The following FARP2 variants were observed in gnomAD, a reference collection of about 807,000 sequenced individuals.
FARP2 encodes the protein FERM, ARHGEF and pleckstrin domain-containing protein 2.
Under a neutral mutation model 130.5 loss-of-function variants are expected in FARP2, and 111 were observed. The ratio of observed to expected loss-of-function variants is 0.85; its 90% CI spans 0.73 to 1.00. The LOEUF (loss-of-function observed/expected upper bound fraction) is 1.00, where lower values mean the gene tolerates loss of function less well. Ranked by LOEUF, FARP2 falls within the 50% of genes least tolerant of loss-of-function variation. The pLI is 0.00. For synonymous variants in FARP2, 504 were observed against 516.9 expected, an observed-to-expected ratio of 0.98 and a Z score of 0.34; for missense variants, 1,385 against 1,346.3, an observed-to-expected ratio of 1.03 and a Z score of -0.45.
chr2:241,434,533 C>T (rs957347739), intron 10 of FARP2, among the ~76,000 whole-genome samples: 5 of 152,162 alleles, frequency 3.3e-5, no homozygotes, highest in African/African-American at 7.2e-5. Context: ...AATTCAGTTA[C>T]GCTTACTACA....
chr2:241,464,525 T>TCCCCAGAGCAGGGTG (rs2064117807), intron 17 of FARP2, among the ~76,000 whole-genome samples: 1 of 118,384 alleles, frequency 8.4e-6, no homozygotes, highest in Non-Finnish European at 1.9e-5. Flanking sequence ...AAAGCAGGGT[T>TCCCCAGAGCAGGGTG]TCCCCAGAGC....
intron 26 of FARP2, 87 bp from the exon 27 acceptor site, chr2:241,493,921 C>A: frequency 1.2e-6 from 1 of 846,732 alleles, no homozygotes; most frequent in Non-Finnish European, 1.7e-6. Context: ...CTTCTTTTGT[C>A]CTGCTTGTCC....
At chr2:241,477,725 A>G (rs2064511302) in intron 19 of FARP2, among the ~76,000 whole-genome samples, 1 of 152,084 alleles carries the variant, frequency 6.6e-6, no homozygotes, top group Admixed American at 6.5e-5. Context: ...TTCTCACATC[A>G]TGTGTCACTT....
chr2:241,437,966 C>T (rs556179608), intron 12 of FARP2, among the ~76,000 whole-genome samples: 29 of 152,090 alleles, frequency 1.9e-4, no homozygotes, highest in African/African-American at 6.7e-4. Flanking sequence ...CGCCCAGCCG[C>T]CTGGCTGATT....
intron 2 of FARP2, among the ~76,000 whole-genome samples, chr2:241,402,448 T>A (rs2062193804): frequency 1.3e-5 from 2 of 152,182 alleles, no homozygotes; most frequent in African/African-American, 4.8e-5. Flanking sequence ...ACATTGTAAC[T>A]TTTTCCATTG....
chr2:241,466,380 C>T, intron 17 of FARP2: 2 of 985,432 alleles, frequency 2.0e-6, no homozygotes, highest in Non-Finnish European at 2.4e-6. Flanking sequence ...GAAGCCATGA[C>T]CAGGTGCAGG....
rs571636325 is a variant in FARP2 at position 241,358,200 on chromosome 2, A to T, written c.-25+1812A>T. Among the ~76,000 whole-genome samples, 60 of 152,350 alleles carry T rather than the reference A, an allele frequency of 3.9e-4. No individual in the cohort carries two copies. The South Asian group carries it at 7.9e-3, about 20-fold the overall frequency. On this transcript the variant is annotated intron_variant, in intron 1 of 26. Transcript: ENST00000264042. ...CGAGACTCTGTCTCAAAAAAATAAA[A>T]AAATAAATAAAAAAAGCTGTGTTAA...
chr2:241,394,920 G>A (rs3771559), intron 2 of FARP2, among the ~76,000 whole-genome samples: 62,976 of 151,978 alleles, frequency 0.41, 13,610 homozygotes, highest in Middle Eastern at 0.63. Context: ...ATGAGCCCTC[G>A]CTGTGTGTGA....
At chr2:241,356,864 T>G (rs1309785616) in intron 1 of FARP2, among the ~76,000 whole-genome samples, 4 of 152,222 alleles carry the variant, frequency 2.6e-5, no homozygotes, top group African/African-American at 7.2e-5. Flanking sequence ...TTTTGAGCCG[T>G]TTGCCTTTTT....
At chr2:241,427,189 C>T (rs62190362) in intron 8 of FARP2, among the ~76,000 whole-genome samples, 28,473 of 151,964 alleles carry the variant, frequency 0.19, 2,915 homozygotes, top group East Asian at 0.4. Context: ...GAGCCAAGAT[C>T]GCACCATTGC....
At chr2:241,412,913 A>G (rs543549107) in intron 6 of FARP2, among the ~76,000 whole-genome samples, 4 of 152,320 alleles carry the variant, frequency 2.6e-5, no homozygotes, top group Admixed American at 6.5e-5. Context: ...CTATAGTCCC[A>G]GCTACTTAGG....
chr2:241,361,734 G>C (rs2061190950), intron 1 of FARP2, among the ~76,000 whole-genome samples: 1 of 152,140 alleles, frequency 6.6e-6, no homozygotes, highest in Admixed American at 6.5e-5. Flanking sequence ...CTTGATGCCA[G>C]ATAACCCAGT....
chr2:241,426,914 T>A (rs2062952915), intron 8 of FARP2, among the ~76,000 whole-genome samples: 1 of 152,092 alleles, frequency 6.6e-6, no homozygotes, highest in African/African-American at 2.4e-5. Context: ...CAGTTGGCCC[T>A]CCATATCCGC....
chr2:241,487,921 G>C (rs899360087), intron 21 of FARP2, among the ~76,000 whole-genome samples: 3 of 151,414 alleles, frequency 2.0e-5, no homozygotes, highest in African/African-American at 7.3e-5. Context: ...CTAATTTTTT[G>C]TATTTTTTAG....
At chr2:241,405,355 C>A (rs1018320657) in intron 4 of FARP2, 1 of 152,110 alleles carries the variant, frequency 6.6e-6, no homozygotes, top group African/African-American at 2.4e-5. Context: ...ACCTCAGTCT[C>A]AAGATAATTA....
chr2:241,363,932 A>G (rs2061247630), intron 1 of FARP2, among the ~76,000 whole-genome samples: 1 of 152,226 alleles, frequency 6.6e-6, no homozygotes, highest in African/African-American at 2.4e-5. Context: ...ACACAGGCTA[A>G]AGCTGAGGTG....
Position 241,475,795 on chromosome 2 carries a change from G to C in FARP2, c.2132-62G>C. ...ATGCTGGTTCCTGTCACAAGGTGGT[G>C]GGTGGAGGGTGCTGTGCACACCACT... On this transcript the variant is annotated intron_variant, in intron 18 of 26. Transcript: ENST00000264042. The surrounding 1 kb of genome is among the most constrained non-coding windows in gnomAD (Gnocchi z 4.4). The C allele has an allele frequency of 7.0e-7, 1 of 1,423,268 alleles. No homozygotes were observed. 88.2% of individuals were successfully genotyped at this position (1,423,268 alleles called of 1,614,324 possible). A position where few individuals can be genotyped will look rare whatever the true frequency, so the allele number is the denominator to read the frequency against.
intron 7 of FARP2, among the ~76,000 whole-genome samples, chr2:241,417,295 CAAA>C (rs1162509119): frequency 2.2e-5 from 3 of 135,924 alleles, no homozygotes; most frequent in Non-Finnish European, 1.6e-5. Flanking sequence ...GAGACTCCAT[CAAA>C]AAAAAAAAAA....
chr2:241,356,928 A>G (rs966579286), intron 1 of FARP2, among the ~76,000 whole-genome samples: 2 of 152,214 alleles, frequency 1.3e-5, no homozygotes, highest in East Asian at 1.9e-4. Context: ...AGGTGTTAAT[A>G]TTTTTACTCC....
Sources: gnomAD v4.1 joint callset for allele counts (sites outside exome capture counted in the v4.1 genomes callset) on GRCh38, gnomAD v4.1.1 for gene constraint, Gnocchi (gnomAD v3.1) non-coding constraint, MANE v1.5 for transcripts, NCBI Gene and HGNC (gene_info 2026-07-23, HGNC 2026-07-21) for gene names.